Variants in TJP2 observed in about 807,000 individuals in gnomAD.
The protein encoded by TJP2 is Friedreich ataxia region gene X104 (tight junction protein ZO-2).
In TJP2, 91 loss-of-function variants were observed where a neutral mutation model predicts 133.1. The ratio of observed to expected loss-of-function variants is 0.68; its 90% confidence interval spans 0.58 to 0.81. TJP2 has a LOEUF of 0.81. TJP2 is among the 40% of genes least tolerant of loss of function. The pLI is 0.00. For synonymous variants in TJP2, 592 were observed against 583.4 expected, an observed-to-expected ratio of 1.01 and a Z score of -0.21; for missense variants, 1,541 against 1,565.6, an observed-to-expected ratio of 0.98 and a Z score of 0.26.
intron 1 of TJP2, among the ~76,000 whole-genome samples, chr9:69,211,370 T>G (rs1235045466): frequency 6.6e-6 from 1 of 152,078 alleles, no homozygotes; most frequent in Non-Finnish European, 1.5e-5. Flanking sequence ...AACCAACATA[T>G]ACACATATTA....
At position 69,157,470 on chromosome 9, in the gene TJP2, G is replaced by GTT. The variant is rs71354319; in HGVS notation, c.-10+5711_-10+5712dup. 4.8e-3 allele frequency among the ~76,000 whole-genome samples: 702 copies of GTT among 145,278 alleles called. 4 individuals carry two copies. The highest frequency in any genetic ancestry group is 8.1e-3 in the African/African-American group (321 of 39,658). ...TGAACTCAAGGTGTCTGCAGAGTTG[G>GTT]TTTTTTTTTTTTTGAGACAGAGTCT... On this transcript the variant is annotated intron_variant, in intron 2 of 5. Transcript: ENST00000423935.
intron 17 of TJP2, among the ~76,000 whole-genome samples, chr9:69,241,754 G>A (rs1830590068): frequency 6.6e-6 from 1 of 152,006 alleles, no homozygotes; most frequent in Non-Finnish European, 1.5e-5. Flanking sequence ...TGTCTTATTA[G>A]GCCATAAGAA....
chr9:69,196,072 C>G (rs1156366453), intron 1 of TJP2, among the ~76,000 whole-genome samples: 2 of 152,194 alleles, frequency 1.3e-5, no homozygotes, highest in African/African-American at 4.8e-5. Flanking sequence ...AAGCAGTGCT[C>G]TCTCCACAGC....
chr9:69,222,858 C>A (rs1025533361), intron 5 of TJP2, among the ~76,000 whole-genome samples: 2 of 151,746 alleles, frequency 1.3e-5, no homozygotes, highest in Non-Finnish European at 2.9e-5. Context: ...GACTTGAGGT[C>A]AGGAGTTGGA....
intron 1 of TJP2, among the ~76,000 whole-genome samples, chr9:69,190,435 A>T (rs571778054): frequency 2.6e-5 from 4 of 152,332 alleles, no homozygotes; most frequent in African/African-American, 9.6e-5. Context: ...TAAAAATATA[A>T]CCAGAGAAGT....
chr9:69,183,556 G>A (rs531169249), intron 1 of TJP2, among the ~76,000 whole-genome samples: 24 of 152,186 alleles, frequency 1.6e-4, no homozygotes, highest in Non-Finnish European at 2.6e-4. Flanking sequence ...ATATGCATCT[G>A]TCACATTTGG....
At chr9:69,205,930 A>G (rs1827365139) in intron 1 of TJP2, among the ~76,000 whole-genome samples, 1 of 152,192 alleles carries the variant, frequency 6.6e-6, no homozygotes, top group Admixed American at 6.5e-5. Context: ...TGTAAAATAT[A>G]TAGGATTTTT....
At chr9:69,236,336 ATGAGTT>A in intron 13 of TJP2, 98 bp downstream of exon 13, 1 of 1,189,292 alleles carries the variant, frequency 8.4e-7, no homozygotes, top group Non-Finnish European at 1.2e-6. Context: ...ACCCCACATG[ATGAGTT>A]CATTACTTGT....
At position 69,205,962 on chromosome 9, in the gene TJP2, C is replaced by T. The variant is rs146968917; in HGVS notation, c.61-6586C>T. 7.9e-5 allele frequency among the ~76,000 whole-genome samples: 12 copies of T among 151,758 alleles called. No individual in the cohort carries two copies. The East Asian group carries it at 2.3e-3, about 29-fold the overall frequency. The stretch of plus-strand genomic sequence containing the variant: ...TTTTACCTATCTGGCCAAGATTTTT[C>T]AAAGGAAAAAAGCTTTATAAAAAGA... On this transcript the variant is annotated intron_variant, in intron 1 of 22. Transcript: ENST00000377245.
Position 69,220,919 on chromosome 9 carries a change from C to G in TJP2, c.375C>G (p.Ala125=). ...VVKRPRKVQV[A]ALQASPPLDQ... ...AGAGGCCCCGGAAGGTCCAGGTGGC[C>G]GCACTTCAGGCCAGCCCTCCCCTGG... The change falls in exon 5 of 23, where the codon GCC becomes GCG. Residue 125 remains alanine (A), a synonymous_variant. Coordinates refer to ENST00000377245, the MANE Select transcript of TJP2 (RefSeq NM_004817.4). 6.2e-7 allele frequency: 1 copy of G among 1,612,390 alleles called. No homozygotes were observed. Among genetic ancestry groups the G allele is most frequent in the Non-Finnish European group, 8.5e-7 (1 of 1,179,984 alleles).
rs766553589 is a variant in TJP2 at position 69,221,253 on chromosome 9, C to T, written c.709C>T (p.Arg237Cys). 2 of 1,608,234 alleles carry T rather than the reference C, an allele frequency of 1.2e-6. No individual in the cohort carries two copies. Among genetic ancestry groups the T allele is most frequent in the South Asian group, 1.1e-5 (1 of 90,304 alleles). Reference protein sequence around the residue: ...HDFGPSRDRDRDRSRGRSIDQ... With the variant: ...HDFGPSRDRDCDRSRGRSIDQ... ...CTTTGGGCCATCCCGGGACCGGGAC[C>T]GTGACCGCAGCCGCGGCCGGAGCAT... Residue 237 changes from arginine to cysteine, a missense_variant, in exon 5 of 23, where the codon CGT (arginine) becomes TGT (cysteine). By Grantham distance (180) the Arg-to-Cys change is radical (BLOSUM62 -3). Coordinates refer to ENST00000377245, the MANE Select transcript of TJP2 (RefSeq NM_004817.4).
chr9:69,210,285 T>TGCC (rs1827776094), intron 1 of TJP2, among the ~76,000 whole-genome samples: 1 of 17,198 alleles, frequency 5.8e-5, no homozygotes, highest in African/African-American at 1.8e-4. Flanking sequence ...TGAGACCCCG[T>TGCC]CCCCCCCCCC....
chr9:69,255,082 G>A lies in TJP2; in HGVS notation c.*708G>A, dbSNP rs1448090010. 1 of 154,128 alleles carries A rather than the reference G, an allele frequency of 6.5e-6. No homozygotes were observed. 9.5% of individuals were successfully genotyped at this position (154,128 alleles called of 1,614,324 possible). ...GCCCAAGAAGTTGGTATCGAAATTT[G>A]TTGTTTGTTTAAACCCAAGTGCTGC... On this transcript the variant is annotated 3_prime_UTR_variant, in exon 23 of 23. Transcript: ENST00000377245.
At chr9:69,225,766 C>G (rs1440345181) in intron 6 of TJP2, among the ~76,000 whole-genome samples, 1 of 152,152 alleles carries the variant, frequency 6.6e-6, no homozygotes, top group Non-Finnish European at 1.5e-5. Context: ...GAAACACGTT[C>G]CAGTAGTAAA....
At chr9:69,242,928 A>G (rs569695848) in intron 17 of TJP2, among the ~76,000 whole-genome samples, 1 of 152,244 alleles carries the variant, frequency 6.6e-6, no homozygotes, top group East Asian at 1.9e-4. Context: ...CAGTGGCACG[A>G]TCTCGGTTCA....
At position 69,236,984 on chromosome 9, in the gene TJP2, G is replaced by C. The variant is rs142254605; in HGVS notation, c.2027G>C (p.Arg676Thr). The C allele has an allele frequency of 5.4e-5, 87 of 1,614,092 alleles. No individual in the cohort carries two copies. Among genetic ancestry groups the C allele is most frequent in the Middle Eastern group, 4.9e-4 (3 of 6,084 alleles). ...EQMASVQNAQ[R>T]DNAGDRADFW... ...ATGGCCAGTGTTCAAAATGCCCAGAGAGACAACGCTGGGGACCGGGCAGAT... is the reference window on the plus strand; with the variant it reads ...ATGGCCAGTGTTCAAAATGCCCAGACAGACAACGCTGGGGACCGGGCAGAT... The change falls in exon 14 of 23, where the codon AGA becomes ACA. Residue 676 changes from arginine (R) to threonine (T), a missense_variant. Physicochemically the swap from Arg to Thr is moderately conservative, Grantham distance 71 (BLOSUM62 -1). Coordinates refer to ENST00000377245, the MANE Select transcript of TJP2 (RefSeq NM_004817.4).
chr9:69,174,682 A>G (rs1347985674), intron 1 of TJP2, among the ~76,000 whole-genome samples: 1 of 152,186 alleles, frequency 6.6e-6, no homozygotes, highest in Non-Finnish European at 1.5e-5. Context: ...AGGCGCGAGT[A>G]GGGGACACTG....
intron 1 of TJP2, chr9:69,151,525 G>T: frequency 1.1e-6 from 1 of 872,490 alleles, no homozygotes; most frequent in Non-Finnish European, 1.5e-6. Context: ...ATAACTCTGT[G>T]AAGGTACTAA....
intron 18 of TJP2, among the ~76,000 whole-genome samples, chr9:69,247,212 G>A (rs953256048): frequency 6.6e-6 from 1 of 152,216 alleles, no homozygotes; most frequent in Non-Finnish European, 1.5e-5. Flanking sequence ...TAGAAAATAA[G>A]GTTGGTTGAG....
Sources: allele counts gnomAD v4.1 joint callset (sites outside exome capture counted in the v4.1 genomes callset), GRCh38; gene constraint gnomAD v4.1.1; transcripts MANE v1.5; gene names NCBI Gene and HGNC (gene_info 2026-07-23, HGNC 2026-07-21).